Variants in OR56A3 observed in about 807,000 individuals in gnomAD.
OR56A3 encodes olfactory receptor 56A3.
A neutral mutation model predicts 17.5 loss-of-function variants in OR56A3; 23 were observed. The observed-to-expected ratio is 1.32, with a 90% CI of 0.95 to 1.87. The LOEUF (loss-of-function observed/expected upper bound fraction) is 1.87. Among genes scored for constraint, OR56A3 ranks in the 40% most tolerant of loss-of-function variants. The pLI is 0.00. For synonymous variants in OR56A3, 175 were observed against 150.6 expected (o/e 1.16, Z -1.19); for missense variants, 366 against 380.1 (o/e 0.96, Z 0.31).
the OR56A3 span, among the ~76,000 whole-genome samples, chr11:5,997,977 A>C: frequency 6.6e-6 from 1 of 152,178 alleles, no homozygotes; most frequent in African/African-American, 2.4e-5. Flanking sequence ...GATTTGTCCA[A>C]ATGTGTGTGA....
chr11:5,955,745 C>G, downstream of OR56A3, among the ~76,000 whole-genome samples: 1 of 152,136 alleles, frequency 6.6e-6, no homozygotes, highest in East Asian at 1.9e-4. Context: ...TAATTTTTCT[C>G]TTTTCACTCT....
the OR56A3 span, among the ~76,000 whole-genome samples, chr11:5,971,381 T>C: frequency 1.4e-3 from 212 of 152,358 alleles, no homozygotes; most frequent in African/African-American, 4.7e-3. Context: ...AAAGATTCTT[T>C]CCTTAACTTG....
the OR56A3 span, among the ~76,000 whole-genome samples, chr11:5,975,968 TA>T: frequency 2.6e-5 from 4 of 151,880 alleles, no homozygotes; most frequent in Non-Finnish European, 5.9e-5. Flanking sequence ...ATTTCCTTTC[TA>T]AATACAAAGA....
the OR56A3 span, among the ~76,000 whole-genome samples, chr11:5,988,415 G>C: frequency 6.6e-6 from 1 of 152,086 alleles, no homozygotes; most frequent in Non-Finnish European, 1.5e-5. Flanking sequence ...GAGGAAGACA[G>C]ACTTAGTTTA....
chr11:6,018,718 A>G, the OR56A3 span, among the ~76,000 whole-genome samples: 2 of 149,132 alleles, frequency 1.3e-5, no homozygotes, highest in Non-Finnish European at 3.0e-5. Flanking sequence ...AAAAGCCTCA[A>G]AAAGACAAAA....
At chr11:5,986,619 CAGGAGCACTGCA>C in the OR56A3 span, 2 of 1,613,918 alleles carry the variant, frequency 1.2e-6, no homozygotes, top group Non-Finnish European at 1.7e-6. Context: ...GGGCATGAAC[CAGGAGCACTGCA>C]AGGGCTTTGG....
At chr11:5,987,089 C>T in the OR56A3 span, 2 of 659,766 alleles carry the variant, frequency 3.0e-6, no homozygotes, top group African/African-American at 1.8e-5. Context: ...GTGAGACATC[C>T]ACATGTCTGA....
chr11:5,975,605 C>T, the OR56A3 span, among the ~76,000 whole-genome samples: 2 of 152,014 alleles, frequency 1.3e-5, no homozygotes, highest in African/African-American at 4.8e-5. Context: ...TCCAGTCTAT[C>T]ATTGTTGGAC....
chr11:6,003,295 A>G, the OR56A3 span: 1 of 528,454 alleles, frequency 1.9e-6, no homozygotes, highest in Non-Finnish European at 3.2e-6. Flanking sequence ...ATAAGGGAAA[A>G]TTGTAAGAAG....
At chr11:6,015,794 G>T in the OR56A3 span, among the ~76,000 whole-genome samples, 1 of 152,220 alleles carries the variant, frequency 6.6e-6, no homozygotes, top group Non-Finnish European at 1.5e-5. Flanking sequence ...TATGATGGAA[G>T]TAACTTGTTT....
the OR56A3 span, chr11:5,986,001 A>G: frequency 2.5e-6 from 4 of 1,612,836 alleles, no homozygotes; most frequent in South Asian, 1.1e-5. Context: ...TCTTCACTCC[A>G]TAGACAAGAG....
At chr11:5,967,492 T>C in the OR56A3 span, 6 of 1,214,654 alleles carry the variant, frequency 4.9e-6, no homozygotes, top group African/African-American at 7.7e-5. Context: ...CTATGCATCA[T>C]AACAATTATT....
At chr11:6,001,480 A>G in the OR56A3 span, 1 of 152,316 alleles carries the variant, frequency 6.6e-6, no homozygotes, top group Non-Finnish European at 1.5e-5. Context: ...AATTGGGTCT[A>G]GGAGAATTTT....
chr11:5,961,743 A>C, the OR56A3 span, among the ~76,000 whole-genome samples: 1 of 135,874 alleles, frequency 7.4e-6, no homozygotes, highest in Non-Finnish European at 1.6e-5. Flanking sequence ...AGAATGATCA[A>C]TAAATACTTA....
the OR56A3 span, among the ~76,000 whole-genome samples, chr11:6,009,792 G>A: frequency 6.6e-6 from 1 of 152,132 alleles, no homozygotes; most frequent in Non-Finnish European, 1.5e-5. Context: ...AGATAATTCA[G>A]CCATTATCCC....
the OR56A3 span, chr11:5,994,302 G>A: frequency 1.6e-4 from 101 of 646,408 alleles, no homozygotes; most frequent in South Asian, 1.2e-3. Flanking sequence ...CAGCAGCTCC[G>A]ACCTTGGCGG....
chr11:5,968,590 A>T, the OR56A3 span: 1 of 940,668 alleles, frequency 1.1e-6, no homozygotes, highest in African/African-American at 1.7e-5. Context: ...AATATTTGCT[A>T]ACATTTTCTA....
chr11:6,015,301 G>C, the OR56A3 span, among the ~76,000 whole-genome samples: 2 of 152,208 alleles, frequency 1.3e-5, no homozygotes, highest in Non-Finnish European at 2.9e-5. Context: ...GGGCTCTGCT[G>C]CCCTGCACAG....
At chr11:6,007,422 T>A in the OR56A3 span, among the ~76,000 whole-genome samples, 1 of 152,102 alleles carries the variant, frequency 6.6e-6, no homozygotes, top group South Asian at 2.1e-4. Context: ...ATCATATGGT[T>A]AAAATTTGCT....
Sources: gnomAD v4.1 joint callset for allele counts (sites outside exome capture counted in the v4.1 genomes callset) on GRCh38, gnomAD v4.1.1 for gene constraint, MANE v1.5 for transcripts, NCBI Gene and HGNC (gene_info 2026-07-23, HGNC 2026-07-21) for gene names.